Variants in SCAPER observed in about 807,000 individuals in gnomAD.
The protein encoded by SCAPER is S-phase cyclin A associated protein in the ER.
SCAPER carries 98 observed loss-of-function variants against 182.2 expected under a neutral mutation model. That is an observed-to-expected ratio of 0.54 (90% CI 0.46 to 0.64). The LOEUF is 0.64. Among genes scored for constraint, SCAPER ranks in the 30% least tolerant of loss-of-function variants. SCAPER has a pLI of 0.00. For synonymous variants in SCAPER, 605 were observed against 564.6 expected (o/e 1.07, Z -1.01); for missense variants, 1,432 against 1,690.0 (o/e 0.85, Z 2.68).
rs1260836005 is a variant in SCAPER at position 76,774,966 on chromosome 15, A to G, written c.924T>C (p.Asp308=). The G allele has an allele frequency of 6.2e-7, 1 of 1,613,850 alleles. No individual in the cohort carries two copies. Among genetic ancestry groups the G allele is most frequent in the Middle Eastern group, 1.7e-4 (1 of 6,054 alleles). ...CAAATTGACCTTTCTGTATGCTTTC[A>G]TCAGGTAAAAGACATACATTTTCTT... ...SDKENVCLLP[D]ESIQKGQFVG... Residue 308 remains aspartate, a synonymous_variant, in exon 9 of 32, where the codon GAT becomes GAC. Transcript: ENST00000563290.
intron 21 of SCAPER, among the ~76,000 whole-genome samples, chr15:76,651,606 T>C (rs2055044036): frequency 6.8e-6 from 1 of 147,824 alleles, no homozygotes; most frequent in South Asian, 2.1e-4. Context: ...AGAAATTAAA[T>C]TAGTAACAAA....
At chr15:76,747,375 A>G (rs1028844799) in intron 15 of SCAPER, among the ~76,000 whole-genome samples, 1 of 151,860 alleles carries the variant, frequency 6.6e-6, no homozygotes, top group African/African-American at 2.4e-5. Context: ...GGTGGCGTGC[A>G]CCAGTAGTCC....
chr15:76,607,890 G>A (rs2050594923), intron 22 of SCAPER, among the ~76,000 whole-genome samples: 1 of 152,138 alleles, frequency 6.6e-6, no homozygotes, highest in Non-Finnish European at 1.5e-5. Flanking sequence ...GGACTTCTCT[G>A]CACTGGTTAT....
chr15:76,814,152 A>C (rs1235035778), intron 5 of SCAPER, among the ~76,000 whole-genome samples: 1 of 152,186 alleles, frequency 6.6e-6, no homozygotes, highest in East Asian at 1.9e-4. Flanking sequence ...TGGGCGTCAA[A>C]GCGAGACTCC....
chr15:76,779,724 T>A (rs1598680783), intron 8 of SCAPER, among the ~76,000 whole-genome samples: 1 of 140,274 alleles, frequency 7.1e-6, no homozygotes, highest in South Asian at 2.3e-4. Flanking sequence ...AAAAAAAAAA[T>A]TACACAGTAC....
At chr15:76,483,292 A>G (rs1403947397) in intron 24 of SCAPER, among the ~76,000 whole-genome samples, 1 of 53,046 alleles carries the variant, frequency 1.9e-5, no homozygotes, top group Non-Finnish European at 5.7e-5. Flanking sequence ...GGATATTCAC[A>G]TGCAAAAAAA....
Position 76,434,106 on chromosome 15 carries a change from A to T in SCAPER, c.3283T>A (p.Phe1095Ile), listed in dbSNP as rs1378457979. ...MKNKPSQGDP[F>I]NNRVQDLISY... Reference sequence around the variant, plus strand: ...ATAAGGTCCTGAACTCGATTGTTAAAAGGATCACCTTGTGAGGGTTTGTTT... The same window carrying T: ...ATAAGGTCCTGAACTCGATTGTTAATAGGATCACCTTGTGAGGGTTTGTTT... The change falls in exon 26 of 32, where the codon TTT becomes ATT. Residue 1095 changes from phenylalanine to isoleucine, a missense_variant. Around this residue, in one of 5 missense-constraint regions of SCAPER, gnomAD observed 718 missense variants for 799.7 expected, o/e 0.90. Transcript: ENST00000563290. 1 of 1,613,926 alleles carries T rather than the reference A, an allele frequency of 6.2e-7. No homozygotes were observed. The highest frequency in any genetic ancestry group is 1.7e-5 in the Admixed American group (1 of 59,998).
chr15:76,692,719 G>GAAAAA, intron 20 of SCAPER, among the ~76,000 whole-genome samples: 1 of 132,022 alleles, frequency 7.6e-6, no homozygotes. Flanking sequence ...AAAAGGAAAA[G>GAAAAA]GAAAAGGAAA....
chr15:76,756,881 C>T (rs1228124468), intron 14 of SCAPER, among the ~76,000 whole-genome samples: 1 of 151,902 alleles, frequency 6.6e-6, no homozygotes, highest in African/African-American at 2.4e-5. Context: ...GGAATCATAG[C>T]TTATTATATG....
chr15:76,440,418 A>C (rs1406548898), intron 25 of SCAPER, among the ~76,000 whole-genome samples: 1 of 152,260 alleles, frequency 6.6e-6, no homozygotes, highest in Non-Finnish European at 1.5e-5. Flanking sequence ...TTAGTAATAG[A>C]AATCTATTGT....
intron 1 of SCAPER, among the ~76,000 whole-genome samples, chr15:76,887,719 G>A (rs1440631053): frequency 1.3e-5 from 2 of 152,226 alleles, no homozygotes; most frequent in African/African-American, 4.8e-5. Context: ...CCACCTCTGT[G>A]GGCAGGGCAT....
At chr15:76,517,769 T>G (rs2042551123) in intron 23 of SCAPER, among the ~76,000 whole-genome samples, 1 of 152,194 alleles carries the variant, frequency 6.6e-6, no homozygotes, top group Admixed American at 6.5e-5. Context: ...ATTGATGTCC[T>G]CCTTTTTCTG....
At chr15:76,889,911 A>G (rs1245215698) in intron 1 of SCAPER, among the ~76,000 whole-genome samples, 3 of 152,190 alleles carry the variant, frequency 2.0e-5, no homozygotes, top group African/African-American at 4.8e-5. Flanking sequence ...AATTGACCAC[A>G]TAATTGGAAG....
At chr15:76,576,703 G>A (rs147811899) in intron 22 of SCAPER, among the ~76,000 whole-genome samples, 1 of 151,962 alleles carries the variant, frequency 6.6e-6, no homozygotes, top group East Asian at 1.9e-4. Flanking sequence ...TACCCTGGCA[G>A]CCACCCTGTG....
At chr15:76,544,895 G>A (rs1329023175) in intron 23 of SCAPER, among the ~76,000 whole-genome samples, 2 of 152,246 alleles carry the variant, frequency 1.3e-5, no homozygotes, top group East Asian at 3.9e-4. Context: ...TACACTGATG[G>A]TTGTTACCTA....
intron 20 of SCAPER, among the ~76,000 whole-genome samples, chr15:76,677,442 C>T (rs1394390071): frequency 6.6e-6 from 1 of 151,906 alleles, no homozygotes; most frequent in Non-Finnish European, 1.5e-5. Flanking sequence ...CTTCTCTAGG[C>T]ATCAGTTTCC....
At chr15:76,419,985 T>C (rs746871817) in intron 26 of SCAPER, among the ~76,000 whole-genome samples, 5 of 152,054 alleles carry the variant, frequency 3.3e-5, no homozygotes, top group Non-Finnish European at 5.9e-5. Context: ...GTTCAACATA[T>C]GGAAATCAAT....
At chr15:76,707,834 A>C (rs939902740) in intron 17 of SCAPER, among the ~76,000 whole-genome samples, 1 of 152,218 alleles carries the variant, frequency 6.6e-6, no homozygotes, top group Non-Finnish European at 1.5e-5. Flanking sequence ...ATTCACTAGT[A>C]ATGTCCACAT....
chr15:76,561,177 GCTATAAGC>G (rs1475750254), intron 23 of SCAPER, among the ~76,000 whole-genome samples: 1 of 152,198 alleles, frequency 6.6e-6, no homozygotes, highest in African/African-American at 2.4e-5. Flanking sequence ...CTATCAGGCT[GCTATAAGC>G]AGAAACCTTA....
Sources: allele counts gnomAD v4.1 joint callset (sites outside exome capture counted in the v4.1 genomes callset), GRCh38; gene constraint gnomAD v4.1.1; regional missense constraint gnomAD v4.1.1; transcripts MANE v1.5; gene names NCBI Gene and HGNC (gene_info 2026-07-23, HGNC 2026-07-21).